The following FMN2 variants were observed in gnomAD, a reference collection of about 807,000 sequenced individuals.
FMN2 encodes formin 2.
A neutral mutation model predicts 142.3 loss-of-function variants in FMN2; 51 were observed. The ratio of observed to expected loss-of-function variants is 0.36; its 90% CI spans 0.29 to 0.45. The LOEUF (loss-of-function observed/expected upper bound fraction) is 0.45. Ranked by LOEUF, FMN2 falls within the 20% of genes least tolerant of loss-of-function variation. The probability of loss-of-function intolerance (pLI) is 1.00; values close to 1 mark genes in which losing one functional copy is unlikely to be tolerated. For missense variants in FMN2, 1,936 were observed against 2,122.8 expected (o/e 0.91, Z 1.73); for synonymous variants, 882 against 869.8 (o/e 1.01, Z -0.25).
intron 2 of FMN2, among the ~76,000 whole-genome samples, chr1:240,133,095 A>G (rs1662804910): frequency 6.6e-6 from 1 of 152,220 alleles, no homozygotes; most frequent in Admixed American, 6.5e-5. Context: ...CCCCTAACAA[A>G]GAATTACAAA....
intron 2 of FMN2, among the ~76,000 whole-genome samples, chr1:240,158,388 C>G (rs1183983730): frequency 6.6e-6 from 1 of 152,058 alleles, no homozygotes. Flanking sequence ...ATGTTCAGAG[C>G]ATTATTGATG....
chr1:240,346,348 G>A (rs1237982954), intron 13 of FMN2, among the ~76,000 whole-genome samples: 1 of 151,816 alleles, frequency 6.6e-6, no homozygotes, highest in Non-Finnish European at 1.5e-5. Flanking sequence ...AATATTATTT[G>A]TATACAAAAG....
At chr1:240,288,616 A>G (rs1669672345) in intron 7 of FMN2, among the ~76,000 whole-genome samples, 1 of 152,046 alleles carries the variant, frequency 6.6e-6, no homozygotes, top group Non-Finnish European at 1.5e-5. Context: ...CCTAGCCCTT[A>G]TATGTGGGCT....
intron 13 of FMN2, among the ~76,000 whole-genome samples, chr1:240,338,334 A>G (rs1378630514): frequency 6.6e-6 from 1 of 152,206 alleles, no homozygotes; most frequent in Non-Finnish European, 1.5e-5. Context: ...CTAGTTTGTA[A>G]CTATTACATT....
At chr1:240,405,921 G>A (rs1303953371) in intron 15 of FMN2, among the ~76,000 whole-genome samples, 4 of 152,076 alleles carry the variant, frequency 2.6e-5, no homozygotes, top group Admixed American at 6.6e-5. Flanking sequence ...TACATTACAC[G>A]CCCAAAGGCA....
intron 1 of FMN2, among the ~76,000 whole-genome samples, chr1:240,102,184 G>C (rs1236797527): frequency 6.6e-6 from 1 of 152,032 alleles, no homozygotes; most frequent in Non-Finnish European, 1.5e-5. Flanking sequence ...AAATTTCTTA[G>C]AAACTAGAAG....
At chr1:240,143,645 G>C in intron 2 of FMN2, 1 of 1,610,154 alleles carries the variant, frequency 6.2e-7, no homozygotes. Context: ...GCAACCTCCA[G>C]TGCAGCCAGG....
chr1:240,439,270 C>CAAAAAAAAAAAAAAAAA (rs58234038), intron 16 of FMN2, among the ~76,000 whole-genome samples: 1 of 101,262 alleles, frequency 9.9e-6, no homozygotes, highest in African/African-American at 4.5e-5. Context: ...AAGGCTGTCT[C>CAAAAAAAAAAAAAAAAA]AAAAAAAAAA....
chr1:240,413,964 A>G (rs887843781), intron 15 of FMN2, among the ~76,000 whole-genome samples: 2 of 152,250 alleles, frequency 1.3e-5, no homozygotes, highest in Non-Finnish European at 2.9e-5. Context: ...TGCCAGGAAT[A>G]TCTTACAAAT....
chr1:240,104,734 T>C (rs976526283), intron 1 of FMN2, among the ~76,000 whole-genome samples: 1 of 152,142 alleles, frequency 6.6e-6, no homozygotes, highest in African/African-American at 2.4e-5. Flanking sequence ...TTCCACCTTG[T>C]TTTTTGCTTC....
chr1:240,202,963 C>T (rs192987246), intron 4 of FMN2, among the ~76,000 whole-genome samples: 2 of 152,124 alleles, frequency 1.3e-5, no homozygotes, highest in East Asian at 3.9e-4. Context: ...AATCATAGTT[C>T]ATGAAAAAAG....
chr1:240,294,451 T>A (rs1391858078), intron 7 of FMN2, among the ~76,000 whole-genome samples: 1 of 152,222 alleles, frequency 6.6e-6, no homozygotes, highest in Non-Finnish European at 1.5e-5. Flanking sequence ...ACTGGTGAAT[T>A]TAAGCATTTA....
intron 2 of FMN2, among the ~76,000 whole-genome samples, chr1:240,136,808 C>G (rs1662959690): frequency 6.6e-6 from 1 of 152,074 alleles, no homozygotes; most frequent in African/African-American, 2.4e-5. Context: ...TGCGGTGGCT[C>G]ACACCTGTAA....
Position 240,092,644 on chromosome 1 carries a change from T to G in FMN2, c.535T>G (p.Ser179Ala), listed in dbSNP as rs1444404140. 6.2e-7 allele frequency: 1 copy of G among 1,613,910 alleles called. No individual in the cohort carries two copies. Among genetic ancestry groups the G allele is most frequent in the Non-Finnish European group, 8.5e-7 (1 of 1,180,012 alleles). Reference sequence around the variant, plus strand: ...GGATGGACAAAGGACCAGCTCGGGCTCGGACACGGACATCTATAGCTTCCA... The same window carrying G: ...GGATGGACAAAGGACCAGCTCGGGCGCGGACACGGACATCTATAGCTTCCA... Reference protein sequence around the residue: ...AQDGQRTSSGSDTDIYSFHSA... With the variant: ...AQDGQRTSSGADTDIYSFHSA... Residue 179 changes from serine (S) to alanine (A), a missense_variant, in exon 1 of 18, where the codon TCG (serine) becomes GCG (alanine). By Grantham distance (99) the Ser-to-Ala change is moderately conservative. Around this residue, in one of 8 missense-constraint regions of FMN2, gnomAD observed 751 missense variants for 791.8 expected, o/e 0.95. Transcript: ENST00000319653.
chr1:240,297,366 C>T (rs539288064), intron 8 of FMN2, among the ~76,000 whole-genome samples: 19 of 151,964 alleles, frequency 1.3e-4, no homozygotes, highest in South Asian at 6.2e-4. Context: ...GAGGCCAAGG[C>T]GGGAGGATCA....
chr1:240,452,522 G>A (rs1360833487), intron 16 of FMN2, among the ~76,000 whole-genome samples: 4 of 151,964 alleles, frequency 2.6e-5, no homozygotes, highest in Admixed American at 1.3e-4. Context: ...TTAACTTTAC[G>A]AGACGGGTTT....
chr1:240,093,492 C>T lies in FMN2; in HGVS notation c.1383C>T (p.Ser461=), dbSNP rs1336736225. The part of the protein sequence containing the change: ...LSRGSRTALA[S]VAAPAKKHRA... The stretch of plus-strand genomic sequence containing the variant: ...GAGGGTCCAGAACTGCCCTGGCCTC[C>T]GTAGCCGCCCCGGCCAAGAAGCACC... The change falls in exon 1 of 18, where the codon TCC becomes TCT. Residue 461 remains serine (S), a synonymous_variant. Coordinates refer to ENST00000319653, the MANE Select transcript of FMN2 (RefSeq NM_020066.5). 1 of 1,598,756 alleles carries T rather than the reference C, an allele frequency of 6.3e-7. No individual in the cohort carries two copies. The highest frequency in any genetic ancestry group is 1.7e-5 in the Admixed American group (1 of 57,628).
intron 6 of FMN2, among the ~76,000 whole-genome samples, chr1:240,223,041 G>C (rs1667176403): frequency 6.6e-6 from 1 of 152,170 alleles, no homozygotes; most frequent in South Asian, 2.1e-4. Context: ...AGTGGTGAGA[G>C]AGGGCATCCT....
At chr1:240,456,068 A>G (rs564140875) in intron 16 of FMN2, among the ~76,000 whole-genome samples, 3,046 of 152,082 alleles carry the variant, frequency 0.02, 58 homozygotes, top group South Asian at 0.046. Flanking sequence ...CTTAATCACT[A>G]GTAGTCATGT....
Sources: gnomAD v4.1 joint callset for allele counts (sites outside exome capture counted in the v4.1 genomes callset) on GRCh38, gnomAD v4.1.1 for gene constraint, gnomAD v4.1.1 regional missense constraint, MANE v1.5 for transcripts, NCBI Gene and HGNC (gene_info 2026-07-23, HGNC 2026-07-21) for gene names.